Variants in TASP1 observed in about 807,000 individuals in gnomAD.
TASP1 encodes threonine aspartase 1.
A neutral mutation model predicts 56.6 loss-of-function variants in TASP1; 16 were observed. The observed-to-expected ratio is 0.28, with a 90% CI of 0.19 to 0.43. The LOEUF is 0.43. Among genes scored for constraint, TASP1 ranks in the 20% least tolerant of loss-of-function variants. The probability of loss-of-function intolerance (pLI) is 1.00; values close to 1 mark genes in which losing one functional copy is unlikely to be tolerated. For missense variants in TASP1, 393 were observed against 511.6 expected (o/e 0.77, Z 2.24); for synonymous variants, 179 against 184.2 (o/e 0.97, Z 0.23).
At position 13,389,731 on chromosome 20, in the gene TASP1, GGTT is replaced by G. The variant is rs1209688336; in HGVS notation, c.*626_*628del. The G allele has an allele frequency of 6.5e-6, 1 of 152,714 alleles. No individual in the cohort carries two copies. Among genetic ancestry groups the G allele is most frequent in the African/African-American group, 2.4e-5 (1 of 41,416 alleles). 9.5% of individuals were successfully genotyped at this position (152,714 alleles called of 1,614,324 possible). A position where few individuals can be genotyped will look rare whatever the true frequency, so the allele number is the denominator to read the frequency against. The stretch of plus-strand genomic sequence containing the variant: ...TATCAATCAGACTATTATTTAAAAA[GGTT>G]CTGACATTAATTCTCTGCTAGATTG... On this transcript the variant is annotated 3_prime_UTR_variant, in exon 14 of 14. Coordinates refer to ENST00000337743, the MANE Select transcript of TASP1 (RefSeq NM_017714.3).
chr20:13,285,120 C>T, the TASP1 span, among the ~76,000 whole-genome samples: 2 of 152,068 alleles, frequency 1.3e-5, no homozygotes, highest in East Asian at 3.9e-4. Flanking sequence ...AACCTCATCT[C>T]TATAAAATTT....
At chr20:13,290,407 T>C in the TASP1 span, among the ~76,000 whole-genome samples, 1 of 152,194 alleles carries the variant, frequency 6.6e-6, no homozygotes, top group Non-Finnish European at 1.5e-5. Flanking sequence ...CCCAGCACTT[T>C]GGGAGGCCGA....
At chr20:13,393,718 A>G in intron 13 of TASP1, 1 of 921,878 alleles carries the variant, frequency 1.1e-6, no homozygotes, top group Non-Finnish European at 1.7e-6. Context: ...AAAGGAAGAG[A>G]GAGGCCCTCA....
chr20:13,258,922 T>C, the TASP1 span, among the ~76,000 whole-genome samples: 1 of 152,034 alleles, frequency 6.6e-6, no homozygotes, highest in Non-Finnish European at 1.5e-5. Context: ...AGGGGCCTCT[T>C]AAAGAAGGTG....
At chr20:13,191,601 G>C in the TASP1 span, among the ~76,000 whole-genome samples, 867 of 152,308 alleles carry the variant, frequency 5.7e-3, 7 homozygotes, top group Middle Eastern at 0.02. Context: ...CCAGAGGAGA[G>C]GAGATAGGCA....
the TASP1 span, among the ~76,000 whole-genome samples, chr20:13,127,438 G>C: frequency 2.0e-5 from 3 of 152,148 alleles, no homozygotes; most frequent in African/African-American, 7.2e-5. Flanking sequence ...CTGGCCACTG[G>C]ACTGTACAAT....
At chr20:13,434,692 A>G (rs977869603) in intron 12 of TASP1, among the ~76,000 whole-genome samples, 22 of 152,276 alleles carry the variant, frequency 1.4e-4, no homozygotes, top group African/African-American at 4.1e-4. Flanking sequence ...GAAGGGGAAC[A>G]GGAAGAAGCC....
rs148137134 is a variant in TASP1 at position 13,541,423 on chromosome 20, A to T, written c.676-7282T>A. ...ATCCAATGAGTTCACTGCCAGGAGG[A>T]CTGCATTTAATAAAGTCCGTAAGGG... On this transcript the variant is annotated intron_variant, in intron 8 of 13. Transcript: ENST00000337743. Among the ~76,000 whole-genome samples the T allele has an allele frequency of 5.3e-3, 800 of 152,280 alleles. 4 individuals are homozygous for T. The highest frequency in any genetic ancestry group is 0.012 in the East Asian group (61 of 5,172).
the TASP1 span, among the ~76,000 whole-genome samples, chr20:13,339,917 T>C: frequency 1.3e-5 from 2 of 152,052 alleles, no homozygotes; most frequent in Non-Finnish European, 2.9e-5. Context: ...AGTCCTTTTT[T>C]CTCTTATTAT....
chr20:13,479,232 T>C (rs766749796), intron 11 of TASP1, among the ~76,000 whole-genome samples: 9 of 152,124 alleles, frequency 5.9e-5, no homozygotes, highest in Non-Finnish European at 1.2e-4. Flanking sequence ...TACACATGCA[T>C]TGTAATGAGA....
chr20:13,168,877 T>C, the TASP1 span: 1 of 151,938 alleles, frequency 6.6e-6, no homozygotes, highest in Non-Finnish European at 1.5e-5. Context: ...AATTAAAGAG[T>C]CTGTATTTTA....
chr20:13,412,991 G>C (rs2042140721), intron 13 of TASP1, among the ~76,000 whole-genome samples: 1 of 152,052 alleles, frequency 6.6e-6, no homozygotes, highest in Non-Finnish European at 1.5e-5. Flanking sequence ...AGGCCTCTGG[G>C]ATCCAGAGGC....
At chr20:13,247,259 G>C in the TASP1 span, among the ~76,000 whole-genome samples, 1 of 152,244 alleles carries the variant, frequency 6.6e-6, no homozygotes, top group Middle Eastern at 3.4e-3. Context: ...GAGATTTAGA[G>C]ACAGAAAGAG....
At chr20:13,420,817 G>C (rs1011535099) in intron 12 of TASP1, among the ~76,000 whole-genome samples, 1 of 152,044 alleles carries the variant, frequency 6.6e-6, no homozygotes, top group Non-Finnish European at 1.5e-5. Flanking sequence ...CACACAGACT[G>C]GATTTCAAGC....
the TASP1 span, among the ~76,000 whole-genome samples, chr20:13,161,041 T>G: frequency 6.6e-6 from 1 of 152,154 alleles, no homozygotes; most frequent in Non-Finnish European, 1.5e-5. Flanking sequence ...GGATCTAAGA[T>G]GTAGCTATTT....
the TASP1 span, among the ~76,000 whole-genome samples, chr20:13,128,981 A>G: frequency 6.6e-6 from 1 of 151,498 alleles, no homozygotes; most frequent in African/African-American, 2.4e-5. Flanking sequence ...GGTTCAAGCA[A>G]TACTCCTGCC....
At chr20:13,309,919 C>T in the TASP1 span, among the ~76,000 whole-genome samples, 2 of 151,988 alleles carry the variant, frequency 1.3e-5, no homozygotes, top group Non-Finnish European at 2.9e-5. Context: ...AAGTATAAAA[C>T]ATCAATGAAA....
chr20:13,625,146 A>G, intron 3 of TASP1, 39 bp downstream of exon 3: 10 of 1,431,408 alleles, frequency 7.0e-6, no homozygotes, highest in Non-Finnish European at 9.3e-6. Context: ...CTTTCTGTTC[A>G]AAACTGCAAT....
chr20:13,293,103 G>C, the TASP1 span, among the ~76,000 whole-genome samples: 1 of 151,940 alleles, frequency 6.6e-6, no homozygotes, highest in Non-Finnish European at 1.5e-5. Context: ...GGGAGGCTGA[G>C]GCAGGAGAAT....
Sources: gnomAD v4.1 joint callset for allele counts (sites outside exome capture counted in the v4.1 genomes callset) on GRCh38, gnomAD v4.1.1 for gene constraint, MANE v1.5 for transcripts, NCBI Gene and HGNC (gene_info 2026-07-23, HGNC 2026-07-21) for gene names.